Variants in HADHB observed in about 807,000 individuals in gnomAD.
HADHB encodes trifunctional enzyme subunit beta, mitochondrial.
In HADHB, 50 loss-of-function variants were observed where a neutral mutation model predicts 61.9. The ratio of observed to expected loss-of-function variants is 0.81; its 90% CI spans 0.64 to 1.02. HADHB has a LOEUF of 1.02. Among genes scored for constraint, HADHB ranks in the 50% least tolerant of loss-of-function variants. The pLI is 0.00. For synonymous variants in HADHB, 191 were observed against 201.6 expected, an observed-to-expected ratio of 0.95 and a Z score of 0.45; for missense variants, 504 against 586.5, an observed-to-expected ratio of 0.86 and a Z score of 1.45.
At chr2:26,277,215 C>A in intron 7 of HADHB, 55 bp downstream of exon 7, 46 of 707,776 alleles carry the variant, frequency 6.5e-5, no homozygotes, top group Non-Finnish European at 1.1e-4. Context: ...TTGTCTTTTA[C>A]TTGATTATAA....
intron 1 of HADHB, among the ~76,000 whole-genome samples, chr2:26,250,569 C>T (rs1410104269): frequency 1.3e-5 from 2 of 151,744 alleles, no homozygotes; most frequent in African/African-American, 2.4e-5. Flanking sequence ...TATGGTGGCT[C>T]ATGCTTGTAA....
At chr2:26,280,209 A>G in intron 10 of HADHB, 94 bp downstream of exon 10, 1 of 957,512 alleles carries the variant, frequency 1.0e-6, no homozygotes, top group Non-Finnish European at 1.7e-6. Flanking sequence ...TGTGTTATGA[A>G]TAGAGGGTTA....
Position 26,263,432 on chromosome 2 carries a change from T to G in HADHB, c.162T>G (p.Val54=), listed in dbSNP as rs1273731503. Residue 54 remains valine, a synonymous_variant, in exon 4 of 16, where the codon GTT becomes GTG. Transcript: ENST00000317799. ...KTLAKPNIRN[V]VVVDGVRTPF... ...TAGCCAAACCCAATATAAGGAATGT[T>G]GTGGTGGTGGATGGTGTTCGCACTC... The G allele has an allele frequency of 3.7e-6, 6 of 1,613,214 alleles. No individual in the cohort carries two copies. The Admixed American group carries it at 5.0e-5, about 13-fold the overall frequency.
At chr2:26,262,676 C>T (rs1018950996) in intron 3 of HADHB, among the ~76,000 whole-genome samples, 3 of 152,142 alleles carry the variant, frequency 2.0e-5, no homozygotes, top group East Asian at 1.9e-4. Context: ...CTTATTTCCA[C>T]GTAGAAAAGG....
At chr2:26,245,556 A>C (rs548970679) in intron 1 of HADHB, 1 of 152,040 alleles carries the variant, frequency 6.6e-6, no homozygotes, top group African/African-American at 2.4e-5. Context: ...ATGATTATCT[A>C]TCTGGTCGTT....
At chr2:26,246,721 A>G (rs1004600445) in intron 1 of HADHB, among the ~76,000 whole-genome samples, 24 of 152,088 alleles carry the variant, frequency 1.6e-4, no homozygotes, top group African/African-American at 5.1e-4. Context: ...GATTTAGATC[A>G]CTCATTTGGC....
In HADHB at chr2:26,283,038, C is replaced by A; in HGVS notation, c.1048C>A (p.Gln350Lys). Residue 350 changes from glutamine to lysine, a missense_variant, in exon 12 of 16, where the codon CAA becomes AAA. Transcript: ENST00000317799. ...FMYVSQDPKDQLLLGPTYATP... is the reference protein window; with the variant it reads ...FMYVSQDPKDKLLLGPTYATP... ...GTATGTGTCTCAGGATCCAAAAGAT[C>A]AACTATTACTTGGGTAGGTAGCAGT... The A allele has an allele frequency of 6.8e-6, 11 of 1,606,524 alleles. No individual in the cohort carries two copies. The highest frequency in any genetic ancestry group is 8.5e-6 in the Non-Finnish European group (10 of 1,173,106).
chr2:26,277,368 G>C (rs1672573625), intron 7 of HADHB, among the ~76,000 whole-genome samples: 1 of 151,014 alleles, frequency 6.6e-6, no homozygotes, highest in African/African-American at 2.4e-5. Flanking sequence ...ATCCCAAGTA[G>C]CTGGGTCTAC....
At chr2:26,259,178 T>C (rs1259650764) in intron 3 of HADHB, among the ~76,000 whole-genome samples, 31 of 152,210 alleles carry the variant, frequency 2.0e-4, no homozygotes, top group Non-Finnish European at 7.3e-5. Context: ...CATTGCAGCA[T>C]GTCTCACACG....
chr2:26,265,623 A>AC (rs1553319937), intron 4 of HADHB, among the ~76,000 whole-genome samples: 1 of 151,774 alleles, frequency 6.6e-6, no homozygotes, highest in Non-Finnish European at 1.5e-5. Context: ...AACAACAACA[A>AC]AACACCCAAA....
rs751784902 is a variant in HADHB at position 26,279,948 on chromosome 2, A to G, written c.812-46A>G. ...GCATATTTCTGTGGAGAAGATATAT[A>G]AGGCTTGTGGTTCCATAGAGTTAAA... On this transcript the variant is annotated intron_variant, in intron 9 of 15. Coordinates refer to ENST00000317799, the MANE Select transcript of HADHB (RefSeq NM_000183.3). 31 of 1,436,378 alleles carry G rather than the reference A, an allele frequency of 2.2e-5. 1 individual carries two copies. The South Asian group carries it at 3.1e-4, about 14-fold the overall frequency. 89.0% of individuals were successfully genotyped at this position (1,436,378 alleles called of 1,614,324 possible).
At position 26,278,736 on chromosome 2, in the gene HADHB, G is replaced by A. The variant is rs143683481; in HGVS notation, c.565G>A (p.Ala189Thr). 6.9e-5 allele frequency: 112 copies of A among 1,614,052 alleles called. 1 individual carries two copies. In the African/African-American group the frequency reaches 1.2e-3, roughly 17 times the overall value. ...MRKLMLDLNKAKSMGQRLSLI... is the reference protein window; with the variant it reads ...MRKLMLDLNKTKSMGQRLSLI... ...AAAACTGATGCTTGATCTCAATAAG[G>A]CCAAATCTATGGGCCAGCGACTGTC... is the stretch of plus-strand genomic sequence containing the variant. Residue 189 changes from alanine to threonine, a missense_variant, in exon 8 of 16, where the codon GCC becomes ACC. Ala to Thr is a moderately conservative substitution (Grantham distance 58, BLOSUM62 0). Coordinates refer to ENST00000317799, the MANE Select transcript of HADHB (RefSeq NM_000183.3).
chr2:26,277,230 GTACT>G, intron 7 of HADHB, 70 bp downstream of exon 7: 15 of 503,066 alleles, frequency 3.0e-5, no homozygotes, highest in South Asian at 7.2e-5. Context: ...TTATAAAAAT[GTACT>G]TTTTTTTTTT....
chr2:26,248,237 G>C (rs866399608), intron 1 of HADHB, among the ~76,000 whole-genome samples: 2 of 152,002 alleles, frequency 1.3e-5, no homozygotes. Flanking sequence ...ACATCATTTT[G>C]TTTCATTTTC....
chr2:26,280,172 TAGA>T, intron 10 of HADHB, 57 bp downstream of exon 10: 5 of 1,369,416 alleles, frequency 3.7e-6, no homozygotes, highest in Middle Eastern at 1.8e-4. Context: ...GTACTCTCTG[TAGA>T]AAAGCCTAAT....
intron 14 of HADHB, 74 bp from the exon 15 acceptor site, chr2:26,285,333 G>T (rs140386266): frequency 2.2e-5 from 28 of 1,263,878 alleles, no homozygotes; most frequent in Middle Eastern, 2.3e-4. Flanking sequence ...CTCTTACTTC[G>T]TAGTACTAAG....
At chr2:26,245,044 C>T (rs1480607628) in intron 1 of HADHB, 54 bp downstream of exon 1, 1 of 215,590 alleles carries the variant, frequency 4.6e-6, no homozygotes, top group Admixed American at 5.2e-5. Context: ...GGCGAGATTC[C>T]ACTTCCTTCC....
At chr2:26,265,076 T>G (rs1672021562) in intron 4 of HADHB, among the ~76,000 whole-genome samples, 1 of 152,038 alleles carries the variant, frequency 6.6e-6, no homozygotes, top group East Asian at 1.9e-4. Context: ...AATATAGTAA[T>G]CCACTTAACG....
intron 6 of HADHB, among the ~76,000 whole-genome samples, chr2:26,276,760 A>G (rs987176811): frequency 6.6e-6 from 1 of 152,158 alleles, no homozygotes; most frequent in Non-Finnish European, 1.5e-5. Flanking sequence ...GTTAAAATCA[A>G]ATTATATATT....
Sources: allele counts gnomAD v4.1 joint callset (sites outside exome capture counted in the v4.1 genomes callset), GRCh38; gene constraint gnomAD v4.1.1; transcripts MANE v1.5; gene names NCBI Gene and HGNC (gene_info 2026-07-23, HGNC 2026-07-21).